Variants in SIGLEC11 observed in about 807,000 individuals in gnomAD.
SIGLEC11 encodes the protein sialic acid-binding Ig-like lectin 11.
In SIGLEC11, 47 loss-of-function variants were observed where a neutral mutation model predicts 61.2. That is an observed-to-expected ratio of 0.77 (90% CI 0.61 to 0.98). The LOEUF is 0.98. Among genes scored for constraint, SIGLEC11 ranks in the 50% least tolerant of loss-of-function variants. SIGLEC11 has a pLI of 0.00. For synonymous variants in SIGLEC11, 278 were observed against 373.1 expected (o/e 0.75, Z 2.94); for missense variants, 610 against 870.3 (o/e 0.70, Z 3.76).
At chr19:49,954,774 C>G (rs966980153) in intron 8 of SIGLEC11, among the ~76,000 whole-genome samples, 2 of 152,030 alleles carry the variant, frequency 1.3e-5, no homozygotes, top group African/African-American at 4.8e-5. Flanking sequence ...TGGCTAAAAC[C>G]CCATGCACCA....
chr19:49,956,181 G>A lies in SIGLEC11; in HGVS notation c.1651+2102C>T, dbSNP rs923418686. Among the ~76,000 whole-genome samples the A allele has an allele frequency of 5.9e-5, 9 of 152,226 alleles. No individual in the cohort carries two copies. In the South Asian group the frequency reaches 6.2e-4, roughly 11 times the overall value. ...TAACTGACTCTTCTCCCGAACCGAC[G>A]CCCACAAGTTCAAGCGTCTGGCTCT... On this transcript the variant is annotated intron_variant, in intron 8 of 10. Transcript: ENST00000447370.
intron 8 of SIGLEC11, 74 bp downstream of exon 8, chr19:49,958,208 AC>A (rs1380348763): frequency 6.3e-7 from 1 of 1,587,096 alleles, no homozygotes; most frequent in Non-Finnish European, 8.5e-7. Flanking sequence ...CCCTCTCCCC[AC>A]AACCTTGAAC....
Position 49,950,024 on chromosome 19 carries a change from G to A in SIGLEC11, c.2043C>T (p.Gly681=). ...TCTCCAATTGAAGCCCAAAGCCTGG[G>A]CCCCTCAGGGGCTGTCCTGTGTGGA... ...IKIHTGQPLR[G]PGFGLQLERE... The change falls in exon 11 of 11, where the codon GGC becomes GGT. Residue 681 remains glycine (G), a synonymous_variant. Coordinates refer to ENST00000447370, the MANE Select transcript of SIGLEC11 (RefSeq NM_052884.3). 1 of 1,544,274 alleles carries A rather than the reference G, an allele frequency of 6.5e-7. No homozygotes were observed.
chr19:49,952,444 C>T (rs754843475), intron 8 of SIGLEC11, 50 bp from the exon 9 acceptor site: 1 of 1,384,778 alleles, frequency 7.2e-7, no homozygotes, highest in East Asian at 2.3e-5. Context: ...CTGAGACCCT[C>T]CTGCCCCTTC....
intron 8 of SIGLEC11, among the ~76,000 whole-genome samples, chr19:49,954,152 C>A (rs1238797270): frequency 6.6e-6 from 1 of 152,090 alleles, no homozygotes; most frequent in Admixed American, 6.6e-5. Flanking sequence ...ACACTTGTAG[C>A]CCGAGCCAAA....
Position 49,952,032 on chromosome 19 carries a change from T to G in SIGLEC11, c.1749-60A>C. 7.3e-6 allele frequency: 11 copies of G among 1,508,928 alleles called. No homozygotes were observed. In the East Asian group the frequency reaches 2.6e-4, roughly 35 times the overall value. The allele number at this position is 1,508,928 out of a possible 1,614,324, so 93.5% of individuals were successfully genotyped here. A position where few individuals can be genotyped will look rare whatever the true frequency, so the allele number is the denominator to read the frequency against. Reference sequence around the variant, plus strand: ...CTGGTCCAGAGCCTGGGGAAACTGCTACCCACATGGCTTAGCAGAGGCTGG... The same window carrying G: ...CTGGTCCAGAGCCTGGGGAAACTGCGACCCACATGGCTTAGCAGAGGCTGG... On this transcript the variant is annotated intron_variant, in intron 9 of 10. Coordinates refer to ENST00000447370, the MANE Select transcript of SIGLEC11 (RefSeq NM_052884.3).
chr19:49,954,394 G>A (rs764205120), intron 8 of SIGLEC11, among the ~76,000 whole-genome samples: 4 of 152,128 alleles, frequency 2.6e-5, no homozygotes, highest in Non-Finnish European at 5.9e-5. Context: ...AAAAGGCCAG[G>A]GAAGGAAGTC....
In SIGLEC11 at chr19:49,951,801, A is replaced by G; in HGVS notation, c.1830+90T>C. 8.7e-7 allele frequency: 1 copy of G among 1,155,132 alleles called. No homozygotes were observed. Among genetic ancestry groups the G allele is most frequent in the Non-Finnish European group, 1.2e-6 (1 of 834,524 alleles). The allele number at this position is 1,155,132 out of a possible 1,614,324, so 71.6% of individuals were successfully genotyped here. A position where few individuals can be genotyped will look rare whatever the true frequency, so the allele number is the denominator to read the frequency against. ...GGAGCAAAACCCTATTTGGGGCACA[A>G]TGATTCTGCAAGTCACCAAGAGGAC... On this transcript the variant is annotated intron_variant, in intron 10 of 10. Coordinates refer to ENST00000447370, the MANE Select transcript of SIGLEC11 (RefSeq NM_052884.3). The surrounding 1 kb of genome is among the most constrained non-coding windows in gnomAD (Gnocchi z 4.6).
chr19:49,954,987 GTCA>G, intron 8 of SIGLEC11, among the ~76,000 whole-genome samples: 1 of 152,020 alleles, frequency 6.6e-6, no homozygotes, highest in East Asian at 1.9e-4. Flanking sequence ...GAGAGCCCAA[GTCA>G]GTTTTATAAA....
In SIGLEC11 at chr19:49,958,347, C is replaced by G; in HGVS notation, c.1587G>C (p.Arg529Ser). 2 of 1,614,248 alleles carry G rather than the reference C, an allele frequency of 1.2e-6. No homozygotes were observed. Among genetic ancestry groups the G allele is most frequent in the Non-Finnish European group, 1.7e-6 (2 of 1,180,048 alleles). ...SLHGGLSSGL[R>S]LRCKAWNVHG... ...GGACGTTCCAGGCCTTACAGCGGAG[C>G]CTGAGGCCGGAGCTGAGCCCTCCAT... The change falls in exon 8 of 11, where the codon AGG (arginine) becomes AGC (serine). Residue 529 changes from arginine to serine, a missense_variant. Transcript: ENST00000447370.
At chr19:49,952,213 T>A (rs1262105217) in intron 9 of SIGLEC11, 85 bp downstream of exon 9, 3 of 1,386,938 alleles carry the variant, frequency 2.2e-6, no homozygotes, top group Non-Finnish European at 3.0e-6. Flanking sequence ...CACTGCCCCA[T>A]CTAGATTCCT....
At chr19:49,954,465 G>A (rs1026963516) in intron 8 of SIGLEC11, among the ~76,000 whole-genome samples, 21 of 152,112 alleles carry the variant, frequency 1.4e-4, no homozygotes, top group Non-Finnish European at 2.9e-4. Flanking sequence ...ATGCCTGCTC[G>A]AGCTATGCAA....
chr19:49,952,191 A>C (rs1417621866), intron 9 of SIGLEC11, 107 bp downstream of exon 9: 1 of 1,232,740 alleles, frequency 8.1e-7, no homozygotes, highest in African/African-American at 1.5e-5. Flanking sequence ...CCCAAGGCCT[A>C]GTTCTCACAC....
intron 8 of SIGLEC11, among the ~76,000 whole-genome samples, chr19:49,956,275 G>A (rs1375510301): frequency 6.6e-6 from 1 of 152,184 alleles, no homozygotes; most frequent in Non-Finnish European, 1.5e-5. Context: ...CCCAGTAAAA[G>A]AACTAAACTG....
At position 49,951,897 on chromosome 19, in the gene SIGLEC11, G is replaced by T; in HGVS notation, c.1824C>A (p.Ile608=). 6.2e-7 allele frequency: 1 copy of T among 1,600,156 alleles called. No homozygotes were observed. Among genetic ancestry groups the T allele is most frequent in the Non-Finnish European group, 8.5e-7 (1 of 1,173,746 alleles). ...EQDVPSTLGP[I]SQGHQHECSA... is the part of the protein sequence containing the mutation. ...ACAGAGGCTGGGCTCTCACCTGGGAGATGGGTCCCAGGGTGGAGGGCACGT... is the reference window on the plus strand; with the variant it reads ...ACAGAGGCTGGGCTCTCACCTGGGATATGGGTCCCAGGGTGGAGGGCACGT... The change falls in exon 10 of 11, where the codon ATC becomes ATA. Residue 608 remains isoleucine (I), a synonymous_variant. Coordinates refer to ENST00000447370, the MANE Select transcript of SIGLEC11 (RefSeq NM_052884.3). This position sits in a 1 kb window ranked among gnomAD's most constrained non-coding sequence, Gnocchi z 4.6.
intron 8 of SIGLEC11, among the ~76,000 whole-genome samples, chr19:49,954,550 C>T (rs540025290): frequency 1.9e-4 from 29 of 152,118 alleles, no homozygotes; most frequent in Non-Finnish European, 4.0e-4. Flanking sequence ...GGGCAACGCA[C>T]CTTCATCTAT....
intron 10 of SIGLEC11, 50 bp from the exon 11 acceptor site, chr19:49,950,286 G>A (rs749024701): frequency 5.6e-6 from 8 of 1,427,702 alleles, no homozygotes; most frequent in East Asian, 2.5e-5. Flanking sequence ...GGGGCTAAGC[G>A]AGAGCAAGGA....
In SIGLEC11 at chr19:49,950,240, A is replaced by C; in HGVS notation, c.1831-4T>G. ...CCGAGCATTCATGCTGGTGACCCTG[A>C]ATGCAGGGGAGAAAGGGGGTCAAAT... On this transcript the variant is annotated splice_region_variant and splice_polypyrimidine_tract_variant and intron_variant, in intron 10 of 10. Coordinates refer to ENST00000447370, the MANE Select transcript of SIGLEC11 (RefSeq NM_052884.3). 6.4e-7 allele frequency: 1 copy of C among 1,566,578 alleles called. No homozygotes were observed. The highest frequency in any genetic ancestry group is 8.6e-7 in the Non-Finnish European group (1 of 1,158,032).
At chr19:49,954,686 T>C (rs1203976931) in intron 8 of SIGLEC11, among the ~76,000 whole-genome samples, 2 of 152,158 alleles carry the variant, frequency 1.3e-5, no homozygotes, top group East Asian at 3.9e-4. Flanking sequence ...CAGTCCAACC[T>C]GGCCAGATTG....
Sources: gnomAD v4.1 joint callset for allele counts (sites outside exome capture counted in the v4.1 genomes callset) on GRCh38, gnomAD v4.1.1 for gene constraint, Gnocchi (gnomAD v3.1) non-coding constraint, MANE v1.5 for transcripts, NCBI Gene and HGNC (gene_info 2026-07-23, HGNC 2026-07-21) for gene names.